The following WWP2 variants were observed in gnomAD, a reference collection of about 807,000 sequenced individuals.
WWP2 encodes NEDD4-like E3 ubiquitin-protein ligase WWP2.
WWP2 carries 57 observed loss-of-function variants against 121.0 expected under a neutral mutation model. The ratio of observed to expected loss-of-function variants is 0.47; its 90% confidence interval spans 0.38 to 0.59. The LOEUF (loss-of-function observed/expected upper bound fraction) is 0.59, where lower values mean the gene tolerates loss of function less well. Ranked by LOEUF, WWP2 falls within the 20% of genes least tolerant of loss-of-function variation. The pLI, the probability that WWP2 is intolerant of heterozygous loss-of-function variation, is 0.00. For missense variants in WWP2, 962 were observed against 1,158.9 expected, an observed-to-expected ratio of 0.83 and a Z score of 2.47; for synonymous variants, 449 against 441.3, an observed-to-expected ratio of 1.02 and a Z score of -0.22.
Position 69,798,733 on chromosome 16 carries a change from A to G in WWP2, c.122A>G (p.Tyr41Cys). The change falls in exon 3 of 24, where the codon TAC becomes TGC. Residue 41 changes from tyrosine to cysteine, a missense_variant. Tyr to Cys is a radical substitution (Grantham distance 194). Transcript: ENST00000359154. ...VHNRQPRINS[Y>C]VEVAVDGLPS... ...AATCGTCAACCTCGAATTAACTCCT[A>G]CGTGGAGGTGGCGGTGGATGGACTC... 1 of 1,614,098 alleles carries G rather than the reference A, an allele frequency of 6.2e-7. No individual in the cohort carries two copies. The highest frequency in any genetic ancestry group is 8.5e-7 in the Non-Finnish European group (1 of 1,180,016).
chr16:69,765,239 T>A (rs752046138), intron 1 of WWP2, among the ~76,000 whole-genome samples: 15 of 152,070 alleles, frequency 9.9e-5, no homozygotes, highest in Non-Finnish European at 8.8e-5. Flanking sequence ...GTTTCACCTT[T>A]TTGTCTTTTT....
chr16:69,794,523 G>A (rs1010137591), intron 2 of WWP2, among the ~76,000 whole-genome samples: 3 of 151,466 alleles, frequency 2.0e-5, no homozygotes, highest in South Asian at 2.1e-4. Context: ...AGGGAGACCC[G>A]GTCTCAAAAA....
At chr16:69,827,784 C>G (rs1427938948) in intron 4 of WWP2, 1 of 425,642 alleles carries the variant, frequency 2.3e-6, no homozygotes. Context: ...GGCAGGGACT[C>G]TCCCTCCCCT....
intron 16 of WWP2, chr16:69,932,932 G>C: frequency 2.3e-6 from 1 of 437,912 alleles, no homozygotes; most frequent in Non-Finnish European, 4.7e-6. Flanking sequence ...ATGTCTTCCC[G>C]CTTGGTGTTG....
chr16:69,832,615 T>G (rs2056813770), intron 4 of WWP2, among the ~76,000 whole-genome samples: 1 of 152,210 alleles, frequency 6.6e-6, no homozygotes, highest in African/African-American at 2.4e-5. Context: ...GGATCTCAGC[T>G]CACAGCAACC....
intron 10 of WWP2, among the ~76,000 whole-genome samples, chr16:69,924,709 C>A (rs892587435): frequency 6.7e-6 from 1 of 148,550 alleles, no homozygotes; most frequent in Non-Finnish European, 1.5e-5. Flanking sequence ...CCCCCACCCC[C>A]CCCACCCCCA....
chr16:69,862,144 C>G (rs894583381), intron 6 of WWP2, among the ~76,000 whole-genome samples: 14 of 152,150 alleles, frequency 9.2e-5, no homozygotes, highest in African/African-American at 3.4e-4. Flanking sequence ...CGGCACACTG[C>G]AACCTCAGCC....
rs947426990 is a variant in WWP2, at chr16:69,940,014, C to T, written c.*74C>T. ...CTCCCTGCCTGAGAGGCCACTGGCC[C>T]CGCAGCCCTTGGGAGGCCCCCGTGG... On this transcript the variant is annotated 3_prime_UTR_variant, in exon 24 of 24. Coordinates refer to ENST00000359154, the MANE Select transcript of WWP2 (RefSeq NM_001270454.2). 2.3e-6 allele frequency: 3 copies of T among 1,303,092 alleles called. No individual in the cohort carries two copies. The highest frequency in any genetic ancestry group is 2.9e-5 in the African/African-American group (2 of 68,434). The allele number at this position is 1,303,092 out of a possible 1,614,324, so 80.7% of individuals were successfully genotyped here.
chr16:69,790,580 T>G (rs561298093), intron 2 of WWP2, among the ~76,000 whole-genome samples: 5 of 152,228 alleles, frequency 3.3e-5, no homozygotes, highest in South Asian at 2.1e-4. Flanking sequence ...GCATCTTTTT[T>G]TTTGTTTGTT....
At chr16:69,932,648 G>T (rs2058733696) in intron 16 of WWP2, among the ~76,000 whole-genome samples, 1 of 152,226 alleles carries the variant, frequency 6.6e-6, no homozygotes, top group Non-Finnish European at 1.5e-5. Flanking sequence ...GAAGTCAGGT[G>T]TCCCCGTGTG....
chr16:69,806,469 A>G (rs1277005935), intron 4 of WWP2, among the ~76,000 whole-genome samples: 1 of 152,210 alleles, frequency 6.6e-6, no homozygotes, highest in African/African-American at 2.4e-5. Context: ...AACAGTCTCT[A>G]TAACATGGGA....
chr16:69,798,905 G>A (rs139898756), intron 3 of WWP2, 76 bp downstream of exon 3: 13 of 1,563,828 alleles, frequency 8.3e-6, no homozygotes, highest in Non-Finnish European at 9.5e-6. Flanking sequence ...GTTGTGGGAG[G>A]TACAGATTCC....
At chr16:69,791,609 A>G (rs2055912508) in intron 2 of WWP2, among the ~76,000 whole-genome samples, 1 of 151,402 alleles carries the variant, frequency 6.6e-6, no homozygotes, top group African/African-American at 2.4e-5. Context: ...GCAGCCTCAA[A>G]ATAGGCTCAA....
At chr16:69,820,082 A>T (rs2056564826) in intron 4 of WWP2, among the ~76,000 whole-genome samples, 1 of 151,970 alleles carries the variant, frequency 6.6e-6, no homozygotes, top group Non-Finnish European at 1.5e-5. Context: ...AAAATAGGAA[A>T]ATTAGCCAGG....
At chr16:69,776,710 C>G (rs892174761) in intron 1 of WWP2, among the ~76,000 whole-genome samples, 3 of 152,064 alleles carry the variant, frequency 2.0e-5, no homozygotes, top group Non-Finnish European at 2.9e-5. Context: ...TGCCTGTAAT[C>G]CCAGCTACTC....
intron 8 of WWP2, among the ~76,000 whole-genome samples, chr16:69,889,420 G>C (rs1285340777): frequency 6.6e-6 from 1 of 152,238 alleles, no homozygotes; most frequent in African/African-American, 2.4e-5. Flanking sequence ...TATATGGTGA[G>C]TGGAGATTAT....
chr16:69,788,600 C>G (rs566182090), intron 2 of WWP2, among the ~76,000 whole-genome samples: 1 of 152,316 alleles, frequency 6.6e-6, no homozygotes, highest in East Asian at 1.9e-4. Flanking sequence ...TTCTCAAAAG[C>G]CACCCTCTTC....
chr16:69,922,007 G>A (rs2058569829), intron 10 of WWP2, among the ~76,000 whole-genome samples: 1 of 151,060 alleles, frequency 6.6e-6, no homozygotes, highest in Admixed American at 6.6e-5. Flanking sequence ...TCGGGAGGCA[G>A]AGGTTGGTTG....
At chr16:69,837,890 CTCAGAAGGA>C (rs1033711297) in intron 4 of WWP2, among the ~76,000 whole-genome samples, 1 of 152,020 alleles carries the variant, frequency 6.6e-6, no homozygotes, top group African/African-American at 2.4e-5. Context: ...CCAAAAAAGT[CTCAGAAGGA>C]TCAGAAGGAT....
Sources: allele counts gnomAD v4.1 joint callset (sites outside exome capture counted in the v4.1 genomes callset), GRCh38; gene constraint gnomAD v4.1.1; transcripts MANE v1.5; gene names NCBI Gene and HGNC (gene_info 2026-07-23, HGNC 2026-07-21).